HOXC6: variants seen among roughly 807,000 people sequenced by gnomAD.
HOXC6 encodes homeobox C6, also known as homeobox protein Hox-C6.
Under a neutral mutation model 24.0 loss-of-function variants are expected in HOXC6, and 10 were observed. That is an observed-to-expected ratio of 0.42 (90% CI 0.26 to 0.71). The LOEUF (loss-of-function observed/expected upper bound fraction) is 0.71, where lower values mean the gene tolerates loss of function less well. HOXC6 is among the 30% of genes least tolerant of loss of function. HOXC6 has a pLI of 0.28. For synonymous variants in HOXC6, 123 were observed against 128.1 expected, an observed-to-expected ratio of 0.96 and a Z score of 0.27; for missense variants, 258 against 303.4, an observed-to-expected ratio of 0.85 and a Z score of 1.11.
At chr12:54,020,977 T>C (rs906088940) in intron 1 of HOXC6, 2 of 152,312 alleles carry the variant, frequency 1.3e-5, no homozygotes, top group African/African-American at 2.4e-5. Context: ...CGGGATTCTT[T>C]TCACGGGCAT....
chr12:54,029,005 G>GT (rs1565741643), intron 1 of HOXC6, 84 bp downstream of exon 1: 4 of 1,317,518 alleles, frequency 3.0e-6, no homozygotes, highest in South Asian at 1.4e-5. Context: ...GGCGGAGAGA[G>GT]TTTTTTATGG....
rs73313188 is a variant in HOXC6, at chr12:54,019,434, C to A, written c.-193+2020C>A. Among the ~76,000 whole-genome samples, 1,389 of 152,230 alleles carry A rather than the reference C, an allele frequency of 9.1e-3. 15 individuals carry two copies. Among genetic ancestry groups the A allele is most frequent in the African/African-American group, 0.031 (1,289 of 41,548 alleles). ...AGGGCAAAGGGAGTGCGGTGGGACA[C>A]AAGAGGGGCCCGAGAGGCCCGAAAA... On this transcript the variant is annotated intron_variant, in intron 1 of 2. Transcript: ENST00000394331.
chr12:54,023,925 C>T (rs1940564040), upstream of HOXC6, among the ~76,000 whole-genome samples: 2 of 152,184 alleles, frequency 1.3e-5, no homozygotes, highest in South Asian at 4.1e-4. Flanking sequence ...CCAGGAGGCT[C>T]TTTGCGATCT....
intron 1 of HOXC6, 147 bp from the exon 2 acceptor site, chr12:54,029,508 G>A (rs1452305107): frequency 2.6e-6 from 2 of 756,768 alleles, no homozygotes; most frequent in Non-Finnish European, 4.2e-6. Flanking sequence ...AGTGGGGGTG[G>A]GGCAAGGCAA....
chr12:54,027,998 A>AC (rs2136434686), upstream of HOXC6, among the ~76,000 whole-genome samples: 1 of 151,684 alleles, frequency 6.6e-6, no homozygotes, highest in East Asian at 1.9e-4. Context: ...ATTTCTAGGG[A>AC]CCCCCCTCCT....
At chr12:54,027,471 A>C (rs3889697), upstream of HOXC6, among the ~76,000 whole-genome samples, 10,261 of 152,230 alleles carry the variant, frequency 0.067, 840 homozygotes, top group East Asian at 0.2. Flanking sequence ...ATTACCCCAC[A>C]GGCCCTCACT....
rs1173116730 is a variant in HOXC6 at position 54,028,557 on chromosome 12, C to G, written c.36C>G (p.Cys12Trp). ...ACTTCACTAACCCTTCCTTATCCTG[C>G]CACCTCGCCGGGGGCCAGGACGTCC... ...NSYFTNPSLSCHLAGGQDVLP... is the reference protein window; with the variant it reads ...NSYFTNPSLSWHLAGGQDVLP... Residue 12 changes from cysteine to tryptophan, a missense_variant, in exon 1 of 2, where the codon TGC (cysteine) becomes TGG (tryptophan). By Grantham distance (215) the Cys-to-Trp change is radical. Coordinates refer to ENST00000243108, the MANE Select transcript of HOXC6 (RefSeq NM_004503.4). 1 of 1,614,166 alleles carries G rather than the reference C, an allele frequency of 6.2e-7. No individual in the cohort carries two copies. Among genetic ancestry groups the G allele is most frequent in the East Asian group, 2.2e-5 (1 of 44,880 alleles).
intron 1 of HOXC6, among the ~76,000 whole-genome samples, chr12:54,018,264 G>A (rs1433054848): frequency 2.6e-5 from 4 of 152,188 alleles, no homozygotes; most frequent in Non-Finnish European, 5.9e-5. Context: ...CCCCAGCCGC[G>A]GCCATCCCAG....
chr12:54,022,795 G>T (rs1476401478), intron 1 of HOXC6, among the ~76,000 whole-genome samples: 1 of 152,162 alleles, frequency 6.6e-6, no homozygotes. Flanking sequence ...TCACTGTGAT[G>T]TCATAATACC....
intron 1 of HOXC6, among the ~76,000 whole-genome samples, chr12:54,018,328 C>A (rs1303771119): frequency 1.3e-5 from 2 of 152,204 alleles, no homozygotes; most frequent in Non-Finnish European, 2.9e-5. Flanking sequence ...CTGCTCTGGG[C>A]TAGGACCTGC....
intron 1 of HOXC6, among the ~76,000 whole-genome samples, chr12:54,017,865 A>G (rs1351152201): frequency 1.3e-5 from 2 of 150,986 alleles, no homozygotes; most frequent in African/African-American, 4.9e-5. Context: ...TAGCCCCCCA[A>G]CCCCCAAACA....
At chr12:54,017,891 C>G (rs952172012) in intron 1 of HOXC6, among the ~76,000 whole-genome samples, 1 of 152,156 alleles carries the variant, frequency 6.6e-6, no homozygotes, top group Non-Finnish European at 1.5e-5. Context: ...TCCAGCTTCC[C>G]CTCCCTGTCT....
rs555994152 is a variant in HOXC6 at position 54,016,980 on chromosome 12, T to A, written c.-627T>A. On this transcript the variant is annotated 5_prime_UTR_variant, in exon 1 of 3. Transcript: ENST00000394331. ...TAGCAGTATTTTTTTTAAATTAATC[T>A]GATTAATAATTATTTTTCCCCCATT... is the stretch of plus-strand genomic sequence containing the variant. The A allele has an allele frequency of 3.9e-5, 6 of 152,210 alleles. No individual in the cohort carries two copies. The East Asian group carries it at 9.7e-4, about 24-fold the overall frequency. 9.4% of individuals were successfully genotyped at this position (152,210 alleles called of 1,614,324 possible).
upstream of HOXC6, among the ~76,000 whole-genome samples, chr12:54,027,873 C>T (rs1203192318): frequency 6.6e-6 from 1 of 152,114 alleles, no homozygotes; most frequent in Non-Finnish European, 1.5e-5. Context: ...CTCAGGGGAA[C>T]AGGTTTTATG....
intron 1 of HOXC6, 44 bp downstream of exon 1, chr12:54,028,965 G>A: frequency 6.5e-7 from 1 of 1,542,114 alleles, no homozygotes; most frequent in Non-Finnish European, 8.7e-7. Context: ...AAACTGAACT[G>A]GCTTTATGAC....
At chr12:54,022,858 G>C (rs1940510092) in intron 1 of HOXC6, among the ~76,000 whole-genome samples, 1 of 152,162 alleles carries the variant, frequency 6.6e-6, no homozygotes. Context: ...TCCAAGCAGT[G>C]CTTCATGTGG....
chr12:54,027,863 C>T (rs147150226), upstream of HOXC6, among the ~76,000 whole-genome samples: 631 of 152,238 alleles, frequency 4.1e-3, 2 homozygotes, highest in Middle Eastern at 0.01. Flanking sequence ...ACTCTACTTA[C>T]TCAGGGGAAC....
upstream of HOXC6, among the ~76,000 whole-genome samples, chr12:54,025,448 T>C (rs573413699): frequency 2.0e-5 from 3 of 149,954 alleles, no homozygotes; most frequent in Admixed American, 6.7e-5. Context: ...AGCGAATCCT[T>C]TCAGCAAATT....
At chr12:54,026,945 C>T (rs573890653), upstream of HOXC6, among the ~76,000 whole-genome samples, 9 of 138,726 alleles carry the variant, frequency 6.5e-5, no homozygotes, top group East Asian at 2.1e-4. Flanking sequence ...TTCCCCCCCC[C>T]CAACCCACCC....
Sources: gnomAD v4.1 joint callset for allele counts (sites outside exome capture counted in the v4.1 genomes callset) on GRCh38, gnomAD v4.1.1 for gene constraint, MANE v1.5 for transcripts, NCBI Gene and HGNC (gene_info 2026-07-23, HGNC 2026-07-21) for gene names.